ALPK2: variants seen among roughly 807,000 people sequenced by gnomAD.
The protein encoded by ALPK2 is alpha-protein kinase 2.
A neutral mutation model predicts 163.1 loss-of-function variants in ALPK2; 127 were observed. That is an observed-to-expected ratio of 0.78 (90% CI 0.67 to 0.90). The LOEUF is 0.90. ALPK2 is among the 40% of genes least tolerant of loss of function. The pLI, the probability that ALPK2 is intolerant of heterozygous loss-of-function variation, is 0.00. For missense variants in ALPK2, 2,360 were observed against 2,589.6 expected, an observed-to-expected ratio of 0.91 and a Z score of 1.92; for synonymous variants, 953 against 959.1, an observed-to-expected ratio of 0.99 and a Z score of 0.12.
At position 58,623,004 on chromosome 18, in the gene ALPK2, TGAGTGTAGTTAACTGAGCCC is replaced by T. The variant is rs760042195; in HGVS notation, c.-21+5740_-21+5759del. On this transcript the variant is annotated intron_variant, in intron 1 of 12. Transcript: ENST00000361673. ...CCCCCGACAGAAATAAGACCAACCCTGAGTGTAGTTAACTGAGCCCGAGTGTAGTTAACTGAGCTAGAACT... is the reference window on the plus strand; with the variant it reads ...CCCCCGACAGAAATAAGACCAACCCTGAGTGTAGTTAACTGAGCTAGAACT... 9.3e-4 allele frequency among the ~76,000 whole-genome samples: 141 copies of T among 152,056 alleles called. No individual in the cohort carries two copies. In the Middle Eastern group the frequency reaches 0.01, roughly 11 times the overall value.
rs117995254 is a variant in ALPK2, at chr18:58,551,465, T to G, written c.1963-13241A>C. Among the ~76,000 whole-genome samples, 797 of 152,304 alleles carry G rather than the reference T, an allele frequency of 5.2e-3. 9 individuals carry two copies. Among genetic ancestry groups the G allele is most frequent in the Non-Finnish European group, 6.8e-3 (464 of 68,026 alleles). On this transcript the variant is annotated intron_variant, in intron 4 of 12. Transcript: ENST00000361673. ...CTTATAAGGACACCAGTCACTGGATTTAGGGCCCACTCTAGTCCAGTATGA... is the reference window on the plus strand; with the variant it reads ...CTTATAAGGACACCAGTCACTGGATGTAGGGCCCACTCTAGTCCAGTATGA...
intron 3 of ALPK2, among the ~76,000 whole-genome samples, chr18:58,589,415 T>G (rs1410193471): frequency 2.0e-5 from 3 of 152,116 alleles, no homozygotes; most frequent in Non-Finnish European, 4.4e-5. Flanking sequence ...ATTTTGTGCT[T>G]TGGGAACAAG....
intron 1 of ALPK2, among the ~76,000 whole-genome samples, chr18:58,616,047 T>C (rs2052165794): frequency 6.6e-6 from 1 of 152,232 alleles, no homozygotes; most frequent in African/African-American, 2.4e-5. Flanking sequence ...AGATTTATCA[T>C]TCTCTGCTAG....
At chr18:58,486,015 C>T (rs1199776172) in intron 12 of ALPK2, among the ~76,000 whole-genome samples, 1 of 152,238 alleles carries the variant, frequency 6.6e-6, no homozygotes, top group Non-Finnish European at 1.5e-5. Flanking sequence ...CGTCCTGAAG[C>T]ACTCCCTTGC....
intron 4 of ALPK2, among the ~76,000 whole-genome samples, chr18:58,574,264 G>A (rs1313841505): frequency 1.3e-5 from 2 of 149,526 alleles, no homozygotes; most frequent in East Asian, 3.9e-4. Flanking sequence ...CCAACATGGT[G>A]AAACCCTGTC....
intron 11 of ALPK2, among the ~76,000 whole-genome samples, chr18:58,502,178 AC>A (rs1206962937): frequency 0.01 from 1,320 of 127,682 alleles, 7 homozygotes; most frequent in East Asian, 0.07. Flanking sequence ...ACACACACAC[AC>A]AAAGAAAAAA....
At chr18:58,586,224 T>C (rs2051986039) in intron 3 of ALPK2, among the ~76,000 whole-genome samples, 1 of 152,182 alleles carries the variant, frequency 6.6e-6, no homozygotes, top group African/African-American at 2.4e-5. Flanking sequence ...CTTAGGGAAA[T>C]AATATGAATG....
intron 5 of ALPK2, among the ~76,000 whole-genome samples, chr18:58,529,989 G>GT (rs2051604521): frequency 6.6e-6 from 1 of 152,196 alleles, no homozygotes; most frequent in African/African-American, 2.4e-5. Flanking sequence ...CCGAGTGGTC[G>GT]TAACAATTGG....
rs200205546 is a variant in ALPK2, at chr18:58,536,691, C to A, written c.3496G>T (p.Glu1166Ter). The part of the protein sequence containing the change: ...SLPTTSAAQE[E>*]RNLVPTAHSP... The stretch of plus-strand genomic sequence containing the variant: ...TGGGCCGTGGGCACCAAGTTTCTTT[C>A]CTCTTGTGCAGCAGATGTCGTAGGC... Residue 1166 changes from glutamate to a stop codon, truncating the protein, a stop_gained, in exon 5 of 13, where the codon GAA becomes TAA. Transcript: ENST00000361673. LOFTEE classifies it high-confidence loss of function. The A allele has an allele frequency of 1.9e-6, 3 of 1,614,184 alleles. No homozygotes were observed. Among genetic ancestry groups the A allele is most frequent in the Admixed American group, 1.7e-5 (1 of 60,030 alleles).
At chr18:58,514,003 T>C (rs1039512572) in intron 10 of ALPK2, among the ~76,000 whole-genome samples, 1 of 152,212 alleles carries the variant, frequency 6.6e-6, no homozygotes, top group African/African-American at 2.4e-5. Context: ...GTGGGTTAAA[T>C]CTTTTCTTTT....
At chr18:58,482,538 C>T (rs566323473) in intron 12 of ALPK2, among the ~76,000 whole-genome samples, 7 of 152,254 alleles carry the variant, frequency 4.6e-5, no homozygotes, top group Non-Finnish European at 8.8e-5. Context: ...AAGAAAACAA[C>T]GCAAGTTGAT....
intron 1 of ALPK2, among the ~76,000 whole-genome samples, chr18:58,624,233 C>T (rs188625346): frequency 1.9e-4 from 29 of 152,218 alleles, no homozygotes; most frequent in Admixed American, 8.5e-4. Context: ...TTGTTCACTC[C>T]GTCATCCACA....
At chr18:58,504,172 G>T in intron 10 of ALPK2, 24 bp from the exon 11 acceptor site, 1 of 1,585,566 alleles carries the variant, frequency 6.3e-7, no homozygotes, top group East Asian at 2.2e-5. Context: ...GAACACAGGC[G>T]CACATCAAGG....
intron 10 of ALPK2, 85 bp from the exon 11 acceptor site, chr18:58,504,233 G>C: frequency 8.7e-7 from 1 of 1,144,552 alleles, no homozygotes; most frequent in Non-Finnish European, 1.3e-6. Flanking sequence ...TCCTGGAGCA[G>C]CACGGAGCAT....
intron 1 of ALPK2, among the ~76,000 whole-genome samples, chr18:58,613,716 ATAATAATAATAAT>A (rs2052148906): frequency 7.8e-6 from 1 of 127,602 alleles, no homozygotes; most frequent in Admixed American, 7.4e-5. Flanking sequence ...AAAAATAATA[ATAATAATAATAAT>A]AATAATAATA....
At chr18:58,519,366 T>A (rs1568072688) in intron 8 of ALPK2, among the ~76,000 whole-genome samples, 1 of 152,218 alleles carries the variant, frequency 6.6e-6, no homozygotes, top group Non-Finnish European at 1.5e-5. Context: ...ATAGGAAATG[T>A]TATATGTACA....
At chr18:58,549,942 C>T (rs530635603) in intron 4 of ALPK2, among the ~76,000 whole-genome samples, 8 of 152,202 alleles carry the variant, frequency 5.3e-5, no homozygotes, top group African/African-American at 1.4e-4. Context: ...CATTGCAAAA[C>T]GTGGAGTCAG....
chr18:58,603,748 A>T (rs892929876), intron 3 of ALPK2, among the ~76,000 whole-genome samples: 8 of 13,622 alleles, frequency 5.9e-4, no homozygotes, highest in Non-Finnish European at 8.6e-4. Context: ...AATTTGCTTT[A>T]TTATGAGGTA....
rs770120575 is a variant in ALPK2, at chr18:58,579,172, G to A, written c.1604C>T (p.Ala535Val). The stretch of plus-strand genomic sequence containing the variant: ...CTTCATTCCCGGCTGCCTCACCCTG[G>A]CAGATTTCCTTGAACCCCTCTTGCT... ...LWSKRGSRKSARVRQPGMKGN... is the reference protein window; with the variant it reads ...LWSKRGSRKSVRVRQPGMKGN... Residue 535 changes from alanine (A) to valine (V), a missense_variant, in exon 4 of 13, where the codon GCC (alanine) becomes GTC (valine). Ala to Val is a moderately conservative substitution (Grantham distance 64). Coordinates refer to ENST00000361673, the MANE Select transcript of ALPK2 (RefSeq NM_052947.4). 23 of 1,614,060 alleles carry A rather than the reference G, an allele frequency of 1.4e-5. No individual in the cohort carries two copies. Among genetic ancestry groups the A allele is most frequent in the Non-Finnish European group, 1.9e-5 (23 of 1,180,012 alleles).
Sources: allele counts gnomAD v4.1 joint callset (sites outside exome capture counted in the v4.1 genomes callset), GRCh38; gene constraint gnomAD v4.1.1; transcripts MANE v1.5; gene names NCBI Gene and HGNC (gene_info 2026-07-23, HGNC 2026-07-21).